Variants in MAP3K21 observed in about 807,000 individuals in gnomAD.
MAP3K21 encodes mitogen-activated protein kinase kinase kinase MLK4.
Under a neutral mutation model 86.1 loss-of-function variants are expected in MAP3K21, and 63 were observed. The ratio of observed to expected loss-of-function variants is 0.73; its 90% CI spans 0.60 to 0.90. The LOEUF is 0.90. MAP3K21 is among the 40% of genes least tolerant of loss of function. The probability of loss-of-function intolerance (pLI) is 0.00; values close to 1 mark genes in which losing one functional copy is unlikely to be tolerated. For missense variants in MAP3K21, 1,220 were observed against 1,367.7 expected (o/e 0.89, Z 1.70); for synonymous variants, 558 against 564.8 (o/e 0.99, Z 0.17).
intron 1 of MAP3K21, among the ~76,000 whole-genome samples, chr1:233,339,730 C>T (rs1024192212): frequency 4.6e-5 from 7 of 151,996 alleles, no homozygotes; most frequent in Non-Finnish European, 7.4e-5. Context: ...GTGATCCTCC[C>T]GCTTTAGCCT....
intron 2 of MAP3K21, among the ~76,000 whole-genome samples, chr1:233,348,705 T>G (rs1289180847): frequency 6.6e-6 from 1 of 152,156 alleles, no homozygotes; most frequent in Admixed American, 6.5e-5. Flanking sequence ...TGTAAAGTGG[T>G]ATCTCATGGT....
At chr1:233,333,690 G>A (rs1398067384) in intron 1 of MAP3K21, among the ~76,000 whole-genome samples, 1 of 152,166 alleles carries the variant, frequency 6.6e-6, no homozygotes. Flanking sequence ...TATTTGATCA[G>A]TTTTGTAATC....
rs187417881 is a variant in MAP3K21 at position 233,384,248 on chromosome 1, A to G, written c.*1537A>G. 2 of 152,330 alleles carry G rather than the reference A, an allele frequency of 1.3e-5. No homozygotes were observed. Among genetic ancestry groups the G allele is most frequent in the Admixed American group, 1.3e-4 (2 of 15,308 alleles). The allele number at this position is 152,330 out of a possible 1,614,324, so 9.4% of individuals were successfully genotyped here. A position where few individuals can be genotyped will look rare whatever the true frequency, so the allele number is the denominator to read the frequency against. ...TCACCTATAATAGAAGAAAAGGAAA[A>G]TCATATTATTTGGCAATTTTGCAGC... On this transcript the variant is annotated 3_prime_UTR_variant, in exon 10 of 10. Transcript: ENST00000366624.
At position 233,328,091 on chromosome 1, in the gene MAP3K21, C is replaced by T; in HGVS notation, c.63C>T (p.Pro21=). The T allele has an allele frequency of 2.9e-6, 4 of 1,367,486 alleles. No individual in the cohort carries two copies. Among genetic ancestry groups the T allele is most frequent in the Non-Finnish European group, 3.7e-6 (4 of 1,067,084 alleles). The allele number at this position is 1,367,486 out of a possible 1,614,324, so 84.7% of individuals were successfully genotyped here. ...CGGTGTCCTCGGCCGGGGGAGCCCCCGGCGGCTCAGCGTCCTCGTCGTCCA... is the reference window on the plus strand; with the variant it reads ...CGGTGTCCTCGGCCGGGGGAGCCCCTGGCGGCTCAGCGTCCTCGTCGTCCA... ...DTPVSSAGGA[P]GGSASSSSTS... is the part of the protein sequence containing the mutation. Residue 21 remains proline, a synonymous_variant, in exon 1 of 10, where the codon CCC becomes CCT. Coordinates refer to ENST00000366624, the MANE Select transcript of MAP3K21 (RefSeq NM_032435.3). This position sits in a 1 kb window ranked among gnomAD's most constrained non-coding sequence, Gnocchi z 8.7.
At chr1:233,336,987 G>A (rs913032155) in intron 1 of MAP3K21, among the ~76,000 whole-genome samples, 2 of 152,180 alleles carry the variant, frequency 1.3e-5, no homozygotes, top group South Asian at 2.1e-4. Flanking sequence ...ATCTCAGAGC[G>A]TTTGTTCCTT....
chr1:233,342,629 G>T (rs79237258), intron 1 of MAP3K21, among the ~76,000 whole-genome samples: 2,117 of 152,292 alleles, frequency 0.014, 53 homozygotes, highest in African/African-American at 0.048. Context: ...TGTCATATGT[G>T]AGTAGCAAAT....
intron 4 of MAP3K21, among the ~76,000 whole-genome samples, chr1:233,360,286 T>G (rs1034043376): frequency 6.6e-6 from 1 of 152,180 alleles, no homozygotes; most frequent in African/African-American, 2.4e-5. Context: ...AGTTAAAAAA[T>G]GGATTACAGA....
intron 1 of MAP3K21, among the ~76,000 whole-genome samples, chr1:233,345,165 A>G (rs916316759): frequency 6.6e-6 from 1 of 152,168 alleles, no homozygotes; most frequent in African/African-American, 2.4e-5. Context: ...ATTGTGGAAG[A>G]CAGTGTGGCG....
At chr1:233,375,767 G>T (rs368814233) in intron 6 of MAP3K21, 149 bp from the exon 7 acceptor site, 2 of 593,926 alleles carry the variant, frequency 3.4e-6, no homozygotes, top group South Asian at 2.5e-5. Context: ...ACTTACCAGA[G>T]ATTGGGTGAA....
intron 7 of MAP3K21, 120 bp downstream of exon 7, chr1:233,376,186 C>A: frequency 1.2e-6 from 1 of 848,246 alleles, no homozygotes; most frequent in Non-Finnish European, 1.8e-6. Context: ...TTATAAATAT[C>A]AACAATTTTC....
At chr1:233,332,536 T>C (rs1743267) in intron 1 of MAP3K21, among the ~76,000 whole-genome samples, 117,710 of 151,490 alleles carry the variant, frequency 0.78, 45,977 homozygotes, top group East Asian at 0.99. Context: ...GGAGTGATGG[T>C]GCTGGCTTCT....
chr1:233,368,726 T>C (rs1663628363), intron 5 of MAP3K21, among the ~76,000 whole-genome samples: 1 of 152,058 alleles, frequency 6.6e-6, no homozygotes, highest in Non-Finnish European at 1.5e-5. Flanking sequence ...GTTTGGTTTG[T>C]CTTCCAAATC....
intron 5 of MAP3K21, among the ~76,000 whole-genome samples, chr1:233,365,283 A>G (rs1270041747): frequency 6.6e-6 from 1 of 151,328 alleles, no homozygotes; most frequent in East Asian, 1.9e-4. Flanking sequence ...AATTGGGACT[A>G]TATTGAACCG....
At chr1:233,350,943 T>C (rs1182867979) in intron 2 of MAP3K21, among the ~76,000 whole-genome samples, 1 of 152,238 alleles carries the variant, frequency 6.6e-6, no homozygotes, top group Non-Finnish European at 1.5e-5. Context: ...CATTGGTTTT[T>C]CATGGGATAA....
In MAP3K21 at chr1:233,379,394, A is replaced by C. The variant is rs1470376162; in HGVS notation, c.2388A>C (p.Ser796=). Residue 796 remains serine, a synonymous_variant, in exon 9 of 10, where the codon TCA becomes TCC. Coordinates refer to ENST00000366624, the MANE Select transcript of MAP3K21 (RefSeq NM_032435.3). ...EASSPPSLPL[S]SALGILSTPS... ...GCAGCCCACCCTCCCTGCCACTGTC[A>C]AGTGCCCTGGGCATCCTCTCCACAC... 7 of 1,614,154 alleles carry C rather than the reference A, an allele frequency of 4.3e-6. No individual in the cohort carries two copies. In the East Asian group the frequency reaches 1.6e-4, roughly 36 times the overall value.
In MAP3K21 at chr1:233,353,959, T is replaced by TTTTG. The variant is rs772242064; in HGVS notation, c.1135+5_1135+6insTTGT. On this transcript the variant is annotated splice_donor_region_variant and intron_variant, in intron 3 of 9. Coordinates refer to ENST00000366624, the MANE Select transcript of MAP3K21 (RefSeq NM_032435.3). Reference sequence around the variant, plus strand: ...CCGTTTGCCAAGCTCATGAAAGGTATTGTGTGTGTGTGTGTGTGTCTTTGT... The same window carrying TTTTG: ...CCGTTTGCCAAGCTCATGAAAGGTATTTTGTGTGTGTGTGTGTGTGTGTCTTTGT... The TTTTG allele has an allele frequency of 1.3e-6, 2 of 1,507,782 alleles. No individual in the cohort carries two copies. The highest frequency in any genetic ancestry group is 2.4e-5 in the East Asian group (1 of 41,592). The allele number at this position is 1,507,782 out of a possible 1,614,324, so 93.4% of individuals were successfully genotyped here.
rs1663478848 is a variant in MAP3K21 at position 233,362,220 on chromosome 1, A to G, written c.1479A>G (p.Val493=). The part of the protein sequence containing the change: ...IFQLNQEKPK[V]KKRKGKFKRS... ...AGCTAAACCAGGAGAAGCCCAAGGT[A>G]AAGAAGAGGAAGGGCAAGTTTAAGA... is the stretch of plus-strand genomic sequence containing the variant. Residue 493 remains valine, a synonymous_variant, in exon 5 of 10, where the codon GTA becomes GTG. Coordinates refer to ENST00000366624, the MANE Select transcript of MAP3K21 (RefSeq NM_032435.3). 1 of 1,614,222 alleles carries G rather than the reference A, an allele frequency of 6.2e-7. No homozygotes were observed. Among genetic ancestry groups the G allele is most frequent in the East Asian group, 2.2e-5 (1 of 44,884 alleles).
intron 1 of MAP3K21, among the ~76,000 whole-genome samples, chr1:233,332,589 G>C (rs1026452025): frequency 6.6e-6 from 1 of 152,138 alleles, no homozygotes; most frequent in African/African-American, 2.4e-5. Context: ...GGCTTTCAAG[G>C]TTGTCTATAT....
chr1:233,344,243 A>G (rs1663090527), intron 1 of MAP3K21, among the ~76,000 whole-genome samples: 2 of 152,254 alleles, frequency 1.3e-5, no homozygotes, highest in African/African-American at 4.8e-5. Flanking sequence ...TAAAGTTCAT[A>G]TGGAACCAAA....
Sources: gnomAD v4.1 joint callset for allele counts (sites outside exome capture counted in the v4.1 genomes callset) on GRCh38, gnomAD v4.1.1 for gene constraint, Gnocchi (gnomAD v3.1) non-coding constraint, MANE v1.5 for transcripts, NCBI Gene and HGNC (gene_info 2026-07-23, HGNC 2026-07-21) for gene names.